SLC25A13: variants seen among roughly 807,000 people sequenced by gnomAD.
SLC25A13 encodes the protein solute carrier family 25 member 13, also known as electrogenic aspartate/glutamate antiporter SLC25A13, mitochondrial.
A neutral mutation model predicts 85.5 loss-of-function variants in SLC25A13; 70 were observed. The ratio of observed to expected loss-of-function variants is 0.82; its 90% confidence interval spans 0.68 to 1.00. The LOEUF (loss-of-function observed/expected upper bound fraction) is 1.00. Ranked by LOEUF, SLC25A13 falls within the 50% of genes least tolerant of loss-of-function variation. SLC25A13 has a pLI of 0.00. For missense variants in SLC25A13, 765 were observed against 819.8 expected, an observed-to-expected ratio of 0.93 and a Z score of 0.82; for synonymous variants, 259 against 288.7, an observed-to-expected ratio of 0.90 and a Z score of 1.04.
intron 3 of SLC25A13, among the ~76,000 whole-genome samples, chr7:96,251,012 G>A (rs150411270): frequency 1.9e-4 from 29 of 152,188 alleles, no homozygotes; most frequent in African/African-American, 6.3e-4. Flanking sequence ...CCCTGCTTTC[G>A]TGGAGCTTAC....
intron 3 of SLC25A13, among the ~76,000 whole-genome samples, chr7:96,264,805 TC>T (rs2116905169): frequency 6.6e-6 from 1 of 152,096 alleles, no homozygotes; most frequent in African/African-American, 2.4e-5. Flanking sequence ...CGCCTCAGCC[TC>T]CCAAAGTGCT....
chr7:96,188,635 A>G (rs537302022), intron 9 of SLC25A13, among the ~76,000 whole-genome samples: 1 of 152,224 alleles, frequency 6.6e-6, no homozygotes, highest in Non-Finnish European at 1.5e-5. Context: ...TCTAATCCTG[A>G]TCTACAGAAA....
intron 5 of SLC25A13, among the ~76,000 whole-genome samples, chr7:96,195,408 G>C (rs1795021069): frequency 6.6e-6 from 1 of 152,114 alleles, no homozygotes; most frequent in Non-Finnish European, 1.5e-5. Flanking sequence ...TTTTGTTCCT[G>C]ATGCTACTGG....
chr7:96,302,741 T>TC (rs1486015778), intron 1 of SLC25A13, among the ~76,000 whole-genome samples: 2 of 152,174 alleles, frequency 1.3e-5, no homozygotes, highest in Admixed American at 6.5e-5. Context: ...TAGGCAACTC[T>TC]CTTCAGACCA....
rs191046932 is a variant in SLC25A13 at position 96,296,808 on chromosome 7, A to T, written c.69+90T>A. The T allele has an allele frequency of 3.7e-4, 488 of 1,329,226 alleles. 2 individuals are homozygous for T. The African/African-American group carries it at 4.3e-3, about 12-fold the overall frequency. The allele number at this position is 1,329,226 out of a possible 1,614,324, so 82.3% of individuals were successfully genotyped here. The stretch of plus-strand genomic sequence containing the variant: ...CACTTTGGGACTTTTTCAAAATATA[A>T]CAACGAAATAAAGAGCTGTTTGAAA... On this transcript the variant is annotated intron_variant, in intron 2 of 17. Transcript: ENST00000265631.
At chr7:96,263,519 G>T (rs751717189) in intron 3 of SLC25A13, among the ~76,000 whole-genome samples, 35 of 151,974 alleles carry the variant, frequency 2.3e-4, no homozygotes, top group Non-Finnish European at 4.4e-4. Flanking sequence ...CTATAAGCAG[G>T]TTGGGTAGAT....
intron 1 of SLC25A13, 36 bp from the exon 2 acceptor site, chr7:96,296,987 A>C: frequency 6.4e-7 from 1 of 1,559,346 alleles, no homozygotes; most frequent in South Asian, 1.1e-5. Flanking sequence ...TGTTATTACA[A>C]CAAAGCTGAG....
At chr7:96,126,666 G>T (rs1791740279) in intron 15 of SLC25A13, among the ~76,000 whole-genome samples, 1 of 152,176 alleles carries the variant, frequency 6.6e-6, no homozygotes, top group Non-Finnish European at 1.5e-5. Context: ...GTTTTGGACT[G>T]GGGCATCTCT....
chr7:96,235,618 A>T (rs1383286764), intron 3 of SLC25A13, among the ~76,000 whole-genome samples: 1 of 152,216 alleles, frequency 6.6e-6, no homozygotes, highest in Non-Finnish European at 1.5e-5. Flanking sequence ...ACTAGAGGGC[A>T]CTTCAGGCAG....
At chr7:96,137,090 T>TGTG (rs1364827018) in intron 14 of SLC25A13, among the ~76,000 whole-genome samples, 10 of 152,158 alleles carry the variant, frequency 6.6e-5, no homozygotes, top group Non-Finnish European at 1.5e-4. Context: ...CCCAAGCAAG[T>TGTG]TAACCCTTAG....
intron 11 of SLC25A13, among the ~76,000 whole-genome samples, chr7:96,172,507 G>A (rs191200667): frequency 3.3e-5 from 5 of 151,574 alleles, no homozygotes; most frequent in South Asian, 4.2e-4. Context: ...GCAGTGAGCC[G>A]AGATTGCACC....
chr7:96,166,356 A>T (rs915591950), intron 13 of SLC25A13, among the ~76,000 whole-genome samples: 96 of 152,234 alleles, frequency 6.3e-4, no homozygotes, highest in African/African-American at 1.7e-3. Flanking sequence ...CTTGTTATAT[A>T]AACAGTTTTT....
intron 14 of SLC25A13, among the ~76,000 whole-genome samples, chr7:96,139,358 T>C (rs1411378690): frequency 6.6e-6 from 1 of 152,210 alleles, no homozygotes; most frequent in Non-Finnish European, 1.5e-5. Flanking sequence ...TTCCCTCCAA[T>C]GTAAAATAAA....
intron 5 of SLC25A13, among the ~76,000 whole-genome samples, chr7:96,205,874 T>A (rs746192084): frequency 1.1e-4 from 17 of 151,442 alleles, no homozygotes; most frequent in Non-Finnish European, 2.4e-4. Context: ...CCAAGTAAGA[T>A]CCTCACAGCC....
chr7:96,164,686 C>A (rs942669891), intron 13 of SLC25A13, among the ~76,000 whole-genome samples: 3 of 136,974 alleles, frequency 2.2e-5, no homozygotes, highest in Non-Finnish European at 4.7e-5. Flanking sequence ...CTACAAATGG[C>A]TATGATTTTC....
At chr7:96,255,580 C>T (rs944566605) in intron 3 of SLC25A13, among the ~76,000 whole-genome samples, 6 of 152,096 alleles carry the variant, frequency 3.9e-5, no homozygotes, top group Admixed American at 6.6e-5. Context: ...CCAGCAACTC[C>T]GGAGGCTGAG....
In SLC25A13 at chr7:96,306,115, A is replaced by C. The variant is rs184460049; in HGVS notation, c.16-9164T>G. The stretch of plus-strand genomic sequence containing the variant: ...CAGATGAGGAAACTGAGGCACAGAG[A>C]GGTTGAGTAACTTCCCCAAGTCACA... On this transcript the variant is annotated intron_variant, in intron 1 of 17. Transcript: ENST00000265631. 9.2e-4 allele frequency among the ~76,000 whole-genome samples: 140 copies of C among 152,282 alleles called. 1 individual carries two copies. Among genetic ancestry groups the C allele is most frequent in the Non-Finnish European group, 1.4e-3 (96 of 68,012 alleles).
In SLC25A13 at chr7:96,254,162, T is replaced by C. The variant is rs569270311; in HGVS notation, c.213-19245A>G. On this transcript the variant is annotated intron_variant, in intron 3 of 17. Transcript: ENST00000265631. ...AACATTATTTCTGAGTGTGTCTGTATGGGTGTTTCTGGATGAGATTTGCAT... is the reference window on the plus strand; with the variant it reads ...AACATTATTTCTGAGTGTGTCTGTACGGGTGTTTCTGGATGAGATTTGCAT... 2.0e-5 allele frequency among the ~76,000 whole-genome samples: 3 copies of C among 152,312 alleles called. No individual in the cohort carries two copies. The South Asian group carries it at 6.2e-4, about 32-fold the overall frequency.
chr7:96,306,924 G>C, intron 1 of SLC25A13: 1 of 983,096 alleles, frequency 1.0e-6, no homozygotes, highest in Non-Finnish European at 1.6e-6. Context: ...TGTGCCTGGA[G>C]CCAGTCCCAC....
Sources: allele counts gnomAD v4.1 joint callset (sites outside exome capture counted in the v4.1 genomes callset), GRCh38; gene constraint gnomAD v4.1.1; transcripts MANE v1.5; gene names NCBI Gene and HGNC (gene_info 2026-07-23, HGNC 2026-07-21).